DCDC1: variants seen among roughly 807,000 people sequenced by gnomAD.
DCDC1 encodes the protein doublecortin domain containing 1.
Under a neutral mutation model 178.3 loss-of-function variants are expected in DCDC1, and 200 were observed. The ratio of observed to expected loss-of-function variants is 1.12; its 90% CI spans 1.00 to 1.26. The LOEUF (loss-of-function observed/expected upper bound fraction) is 1.26. DCDC1 is among the 50% of genes most tolerant of loss of function. The pLI is 0.00. For missense variants in DCDC1, 1,983 were observed against 1,749.2 expected, an observed-to-expected ratio of 1.13 and a Z score of -2.38; for synonymous variants, 690 against 604.8, an observed-to-expected ratio of 1.14 and a Z score of -2.07.
At chr11:30,922,668 T>C in intron 23 of DCDC1, 30 bp from the exon 24 acceptor site, 3 of 1,473,474 alleles carry the variant, frequency 2.0e-6, no homozygotes, top group South Asian at 2.9e-5. Flanking sequence ...TTATCCTGTA[T>C]ATAATTGTCA....
chr11:31,263,871 T>C (rs186220121), intron 8 of DCDC1, among the ~76,000 whole-genome samples: 8 of 152,288 alleles, frequency 5.3e-5, no homozygotes, highest in African/African-American at 1.9e-4. Context: ...GAGTTAAAGT[T>C]TGGATGAAGT....
intron 30 of DCDC1, among the ~76,000 whole-genome samples, chr11:30,905,993 C>T (rs1278373177): frequency 5.3e-5 from 8 of 152,098 alleles, no homozygotes; most frequent in African/African-American, 1.7e-4. Flanking sequence ...TTTACTTCTA[C>T]AGTTGAAAGG....
intron 9 of DCDC1, among the ~76,000 whole-genome samples, chr11:31,156,863 G>A (rs1965763745): frequency 6.6e-6 from 1 of 152,136 alleles, no homozygotes; most frequent in African/African-American, 2.4e-5. Flanking sequence ...CAGATTTTAT[G>A]AGACATATTT....
chr11:31,256,951 T>G (rs1319457532), intron 8 of DCDC1, among the ~76,000 whole-genome samples: 1 of 152,154 alleles, frequency 6.6e-6, no homozygotes, highest in African/African-American at 2.4e-5. Flanking sequence ...TTCCTTACTG[T>G]GTAGGCTGCT....
intron 22 of DCDC1, among the ~76,000 whole-genome samples, chr11:30,926,828 G>A (rs1946621282): frequency 6.6e-6 from 1 of 152,068 alleles, no homozygotes; most frequent in African/African-American, 2.4e-5. Context: ...TGGGTATGGT[G>A]GTCCATGCCA....
chr11:30,989,703 G>A lies in DCDC1; in HGVS notation c.2592-37135C>T, dbSNP rs141271562. The stretch of plus-strand genomic sequence containing the variant: ...CATTCAATAATGTATTTATAGAGTC[G>A]GAGAAAGCATCCTCTTTAAATAATA... On this transcript the variant is annotated intron_variant, in intron 20 of 38. Transcript: ENST00000684477. Among the ~76,000 whole-genome samples the A allele has an allele frequency of 1.5e-4, 23 of 152,152 alleles. No homozygotes were observed. The East Asian group carries it at 3.7e-3, about 24-fold the overall frequency.
At chr11:31,215,180 A>G in intron 9 of DCDC1, 1 of 255,018 alleles carries the variant, frequency 3.9e-6, no homozygotes, top group Non-Finnish European at 8.1e-6. Context: ...CTGTAGTCTC[A>G]GCAACTCGGA....
At chr11:30,976,368 A>C (rs1950101956) in intron 20 of DCDC1, among the ~76,000 whole-genome samples, 1 of 152,200 alleles carries the variant, frequency 6.6e-6, no homozygotes, top group Non-Finnish European at 1.5e-5. Context: ...TGCACAGCAA[A>C]GTAAACAATC....
intron 17 of DCDC1, among the ~76,000 whole-genome samples, chr11:31,089,207 A>G (rs1454534935): frequency 6.6e-6 from 1 of 152,188 alleles, no homozygotes; most frequent in Non-Finnish European, 1.5e-5. Context: ...AAAGTTTTCT[A>G]TATTAACGGG....
At chr11:30,893,485 G>C (rs956729865) in intron 35 of DCDC1, among the ~76,000 whole-genome samples, 1 of 152,106 alleles carries the variant, frequency 6.6e-6, no homozygotes, top group Non-Finnish European at 1.5e-5. Flanking sequence ...ATCCCTGCCA[G>C]GCAGCTTTTT....
chr11:31,214,543 C>T (rs899962779), intron 9 of DCDC1, among the ~76,000 whole-genome samples: 37 of 152,072 alleles, frequency 2.4e-4, no homozygotes, highest in African/African-American at 7.5e-4. Context: ...CTCCTGACCA[C>T]GCCCTCAATG....
chr11:31,202,650 T>C (rs1310698605), intron 9 of DCDC1, among the ~76,000 whole-genome samples: 1 of 151,814 alleles, frequency 6.6e-6, no homozygotes, highest in East Asian at 1.9e-4. Context: ...TAAGATAAAA[T>C]CAAAAAAGAA....
rs190044607 is a variant in DCDC1, at chr11:30,877,307, A to G, written c.*40+1237T>C. The stretch of plus-strand genomic sequence containing the variant: ...AGCCATTCTGTACACACCTAGCCAG[A>G]GTACAATTTATATTCATACAGAGTT... On this transcript the variant is annotated intron_variant, in intron 38 of 38. Transcript: ENST00000684477. Among the ~76,000 whole-genome samples the G allele has an allele frequency of 2.1e-4, 32 of 152,302 alleles. No homozygotes were observed. The East Asian group carries it at 6.2e-3, about 29-fold the overall frequency.
intron 8 of DCDC1, among the ~76,000 whole-genome samples, chr11:31,252,225 G>T (rs1323935328): frequency 6.6e-6 from 1 of 152,064 alleles, no homozygotes; most frequent in South Asian, 2.1e-4. Context: ...CTTGGACAAG[G>T]TAAAGTTGGA....
At chr11:30,882,621 T>C (rs1287534683) in intron 36 of DCDC1, 1 of 152,022 alleles carries the variant, frequency 6.6e-6, no homozygotes, top group Non-Finnish European at 1.5e-5. Context: ...AACCTACCAT[T>C]GAGGGAGGAT....
chr11:30,914,570 A>G (rs1945687223), intron 27 of DCDC1, among the ~76,000 whole-genome samples: 1 of 151,804 alleles, frequency 6.6e-6, no homozygotes, highest in Non-Finnish European at 1.5e-5. Flanking sequence ...GAAGCAAACC[A>G]ATCTAAAAAA....
At chr11:31,330,494 T>C (rs1050855747) in intron 2 of DCDC1, among the ~76,000 whole-genome samples, 1 of 152,178 alleles carries the variant, frequency 6.6e-6, no homozygotes, top group Non-Finnish European at 1.5e-5. Context: ...CTGAATGGTA[T>C]TGCCTAAGTT....
intron 6 of DCDC1, among the ~76,000 whole-genome samples, chr11:31,303,412 T>G (rs906277247): frequency 2.0e-5 from 3 of 152,194 alleles, no homozygotes; most frequent in Non-Finnish European, 2.9e-5. Context: ...TCTGATCATG[T>G]CTCTTTAAGT....
intron 20 of DCDC1, among the ~76,000 whole-genome samples, chr11:31,037,816 C>T (rs1184408455): frequency 6.6e-6 from 1 of 151,936 alleles, no homozygotes; most frequent in African/African-American, 2.4e-5. Context: ...TTCATTTTAT[C>T]TCAGCTAACC....
Sources: allele counts gnomAD v4.1 joint callset (sites outside exome capture counted in the v4.1 genomes callset), GRCh38; gene constraint gnomAD v4.1.1; transcripts MANE v1.5; gene names NCBI Gene and HGNC (gene_info 2026-07-23, HGNC 2026-07-21).